RAD52: variants seen among roughly 807,000 people sequenced by gnomAD.
The protein encoded by RAD52 is RAD52 DNA repair protein.
Under a neutral mutation model 55.5 loss-of-function variants are expected in RAD52, and 47 were observed. The ratio of observed to expected loss-of-function variants is 0.85; its 90% CI spans 0.67 to 1.08. RAD52 has a LOEUF of 1.08. Among genes scored for constraint, RAD52 ranks in the 50% least tolerant of loss-of-function variants. The pLI is 0.00. For missense variants in RAD52, 468 were observed against 522.8 expected, an observed-to-expected ratio of 0.90 and a Z score of 1.02; for synonymous variants, 184 against 198.9, an observed-to-expected ratio of 0.92 and a Z score of 0.63.
chr12:943,137 A>AAAATAAC (rs1958005724), intron 1 of RAD52, among the ~76,000 whole-genome samples: 1 of 152,210 alleles, frequency 6.6e-6, no homozygotes, highest in Non-Finnish European at 1.5e-5. Context: ...CACCACACCC[A>AAAATAAC]TCAGAATAAC....
intron 7 of RAD52, among the ~76,000 whole-genome samples, chr12:918,050 C>A (rs1194609449): frequency 1.3e-5 from 2 of 152,144 alleles, no homozygotes; most frequent in Non-Finnish European, 2.9e-5. Context: ...TGAATTAATA[C>A]AACCATACAG....
rs1373718155 is a variant in RAD52 at position 913,390 on chromosome 12, G to C, written c.*1C>G. 2.5e-6 allele frequency: 4 copies of C among 1,601,388 alleles called. No individual in the cohort carries two copies. The highest frequency in any genetic ancestry group is 3.4e-6 in the Non-Finnish European group (4 of 1,168,768). On this transcript the variant is annotated 3_prime_UTR_variant, in exon 12 of 12. Coordinates refer to ENST00000358495, the MANE Select transcript of RAD52 (RefSeq NM_134424.4). The stretch of plus-strand genomic sequence containing the variant: ...GTCCAATTATGTGGCCTGAGCCTCA[G>C]TTAAGATGGATCATATTTCCTTTTC...
chr12:927,036 C>G, intron 6 of RAD52, 109 bp downstream of exon 6: 2 of 1,524,760 alleles, frequency 1.3e-6, no homozygotes, highest in African/African-American at 2.7e-5. Context: ...TTCCACGCTG[C>G]TTGGATTTTT....
At chr12:948,888 G>C (rs1958408144) in intron 1 of RAD52, among the ~76,000 whole-genome samples, 1 of 151,868 alleles carries the variant, frequency 6.6e-6, no homozygotes, top group African/African-American at 2.4e-5. Context: ...TAGTAGAGAC[G>C]GGGTTTCGCT....
At chr12:981,699 G>A (rs2154121911) in intron 1 of RAD52, among the ~76,000 whole-genome samples, 1 of 151,684 alleles carries the variant, frequency 6.6e-6, no homozygotes, top group Non-Finnish European at 1.5e-5. Context: ...GAAGGTTGAA[G>A]TGAGCTGAAA....
chr12:916,261 T>G (rs1033115976), intron 9 of RAD52, 83 bp downstream of exon 9: 11 of 1,566,330 alleles, frequency 7.0e-6, no homozygotes, highest in Middle Eastern at 2.1e-4. Flanking sequence ...CGGCCCAGGG[T>G]TACCGCAGAG....
chr12:913,771 A>T lies in RAD52; in HGVS notation c.1195+123T>A, dbSNP rs375063895. 7 of 903,740 alleles carry T rather than the reference A, an allele frequency of 7.7e-6. No individual in the cohort carries two copies. The East Asian group carries it at 1.6e-4, about 20-fold the overall frequency. The allele number at this position is 903,740 out of a possible 1,614,324, so 56.0% of individuals were successfully genotyped here. ...TCAATTCTGTTCTACTTGCAGTACC[A>T]TTCCCTAATAGAAGTTCCCGATTCT... is the stretch of plus-strand genomic sequence containing the variant. On this transcript the variant is annotated intron_variant, in intron 11 of 11. Coordinates refer to ENST00000358495, the MANE Select transcript of RAD52 (RefSeq NM_134424.4).
At position 912,967 on chromosome 12, in the gene RAD52, A is replaced by G; in HGVS notation, c.*424T>C. 1 of 203,622 alleles carries G rather than the reference A, an allele frequency of 4.9e-6. No homozygotes were observed. The highest frequency in any genetic ancestry group is 9.8e-6 in the Non-Finnish European group (1 of 102,306). 12.6% of individuals were successfully genotyped at this position (203,622 alleles called of 1,614,324 possible). ...AATGTGGGCAACATTAAAGGCATGG[A>G]CCGTAAAGGAAAGAAGGCAGACGTT... On this transcript the variant is annotated 3_prime_UTR_variant, in exon 12 of 12. Coordinates refer to ENST00000358495, the MANE Select transcript of RAD52 (RefSeq NM_134424.4).
chr12:953,583 G>T (rs890135443), upstream of RAD52, among the ~76,000 whole-genome samples: 33 of 152,194 alleles, frequency 2.2e-4, no homozygotes, highest in Non-Finnish European at 3.2e-4. Flanking sequence ...ATCCACTGTA[G>T]TATTATTTAC....
At chr12:915,644 A>T (rs1956320528) in intron 9 of RAD52, among the ~76,000 whole-genome samples, 1 of 152,214 alleles carries the variant, frequency 6.6e-6, no homozygotes, top group Non-Finnish European at 1.5e-5. Flanking sequence ...ATCTGCCAAA[A>T]GTTCCCGTTA....
intron 8 of RAD52, 43 bp downstream of exon 8, chr12:916,596 C>T (rs2154108759): frequency 6.3e-7 from 1 of 1,598,752 alleles, no homozygotes; most frequent in South Asian, 1.1e-5. Context: ...CCCCGTGACA[C>T]AGGAGGGGCC....
chr12:946,794 G>C (rs765160118), intron 1 of RAD52, among the ~76,000 whole-genome samples: 1 of 152,098 alleles, frequency 6.6e-6, no homozygotes. Flanking sequence ...GCATACAGTG[G>C]GTGACTCAAA....
intron 7 of RAD52, among the ~76,000 whole-genome samples, chr12:921,221 AC>A (rs1342568678): frequency 6.6e-6 from 1 of 152,166 alleles, no homozygotes; most frequent in Non-Finnish European, 1.5e-5. Context: ...AAAAAAAGTT[AC>A]ACCCAAAGCT....
chr12:956,920 AAGATT>A (rs1338062717), intron 1 of RAD52, among the ~76,000 whole-genome samples: 1 of 152,186 alleles, frequency 6.6e-6, no homozygotes, highest in Non-Finnish European at 1.5e-5. Context: ...GATGAGTTAT[AAGATT>A]ATAGTTATTA....
intron 6 of RAD52, 93 bp from the exon 7 acceptor site, chr12:925,618 C>T (rs938114113): frequency 4.9e-6 from 5 of 1,023,800 alleles, no homozygotes; most frequent in Non-Finnish European, 7.6e-6. Context: ...CAGGTTGCTT[C>T]TCAGGAGCAG....
intron 1 of RAD52, among the ~76,000 whole-genome samples, chr12:933,920 G>C (rs1375260784): frequency 6.6e-6 from 1 of 151,918 alleles, no homozygotes; most frequent in Non-Finnish European, 1.5e-5. Flanking sequence ...CCAGGAGTTT[G>C]AGACTAGCCT....
At chr12:956,743 C>T (rs1356744785) in intron 1 of RAD52, among the ~76,000 whole-genome samples, 1 of 152,120 alleles carries the variant, frequency 6.6e-6, no homozygotes, top group African/African-American at 2.4e-5. Context: ...GACAGGGTTT[C>T]ACCATGTTGG....
intron 7 of RAD52, among the ~76,000 whole-genome samples, chr12:921,803 C>G (rs1038417692): frequency 5.9e-5 from 9 of 152,186 alleles, no homozygotes; most frequent in African/African-American, 2.2e-4. Flanking sequence ...AGATGGCCAA[C>G]AAGCATATGA....
intron 1 of RAD52, chr12:976,526 T>C (rs1958937329): frequency 6.6e-6 from 1 of 152,212 alleles, no homozygotes; most frequent in Non-Finnish European, 1.5e-5. Context: ...AGGCCATTTG[T>C]AGGTACTATG....
Sources: gnomAD v4.1 joint callset for allele counts (sites outside exome capture counted in the v4.1 genomes callset) on GRCh38, gnomAD v4.1.1 for gene constraint, MANE v1.5 for transcripts, NCBI Gene and HGNC (gene_info 2026-07-23, HGNC 2026-07-21) for gene names.